Variants in RUFY1 observed in about 807,000 individuals in gnomAD.
RUFY1 encodes the protein RUN and FYVE domain-containing protein 1.
RUFY1 carries 54 observed loss-of-function variants against 94.6 expected under a neutral mutation model. That is an observed-to-expected ratio of 0.57 (90% confidence interval 0.46 to 0.72). The LOEUF (loss-of-function observed/expected upper bound fraction) is 0.72. Ranked by LOEUF, RUFY1 falls within the 30% of genes least tolerant of loss-of-function variation. The pLI, the probability that RUFY1 is intolerant of heterozygous loss-of-function variation, is 0.00. For missense variants in RUFY1, 883 were observed against 883.9 expected (o/e 1.00, Z 0.01); for synonymous variants, 396 against 347.3 (o/e 1.14, Z -1.56).
chr5:179,577,320 C>T (rs1254798807), intron 6 of RUFY1, among the ~76,000 whole-genome samples, 184 bp downstream of exon 6: 1 of 151,110 alleles, frequency 6.6e-6, no homozygotes, highest in Non-Finnish European at 1.5e-5. Flanking sequence ...TACAGGTGCG[C>T]CCCACCATGC....
intron 1 of RUFY1, chr5:179,559,641 C>T: frequency 9.9e-7 from 1 of 1,006,246 alleles, no homozygotes; most frequent in Non-Finnish European, 1.2e-6. Flanking sequence ...CCAGCACGCC[C>T]TCTAAGAGCT....
chr5:179,578,374 T>C (rs1049311399), intron 6 of RUFY1, among the ~76,000 whole-genome samples: 1 of 151,864 alleles, frequency 6.6e-6, no homozygotes, highest in Admixed American at 6.6e-5. Flanking sequence ...CCATCATGCC[T>C]GGCTAATTTT....
rs763078494 is a variant in RUFY1, at chr5:179,593,427, C to T, written c.1246-51C>T. The T allele has an allele frequency of 2.6e-6, 4 of 1,563,450 alleles. No individual in the cohort carries two copies. In the Admixed American group the frequency reaches 6.8e-5, roughly 27 times the overall value. On this transcript the variant is annotated intron_variant, in intron 10 of 17. Coordinates refer to ENST00000319449, the MANE Select transcript of RUFY1 (RefSeq NM_025158.5). ...CCTGAGATTCAACCCCAGTTAAATA[C>T]ATTTCTGTGATCTATTTTAATAACA... is the stretch of plus-strand genomic sequence containing the variant.
In RUFY1 at chr5:179,609,495, G is replaced by T. The variant is rs767514975; in HGVS notation, c.2103G>T (p.Gln701His). 7 of 1,608,508 alleles carry T rather than the reference G, an allele frequency of 4.4e-6. No individual in the cohort carries two copies. Among genetic ancestry groups the T allele is most frequent in the Non-Finnish European group, 5.1e-6 (6 of 1,179,398 alleles). The change falls in exon 18 of 18, where the codon CAG becomes CAT. Residue 701 changes from glutamine to histidine, a missense_variant. Gln to His is a conservative substitution (Grantham distance 24). Transcript: ENST00000319449. ...ACAGCTGCCACACCCTGCTCCTGCA[G>T]CGCTGCTCCTCCACGGCCTCCTGAA... ...VCDSCHTLLL[Q>H]RCSSTAS
At chr5:179,598,631 T>C in intron 13 of RUFY1, 61 bp from the exon 14 acceptor site, 1 of 1,596,822 alleles carries the variant, frequency 6.3e-7, no homozygotes, top group Non-Finnish European at 8.6e-7. Context: ...GTGAATTGGG[T>C]TGTGAATCTT....
intron 10 of RUFY1, among the ~76,000 whole-genome samples, chr5:179,592,498 T>C (rs1344795625): frequency 6.6e-6 from 1 of 151,988 alleles, no homozygotes; most frequent in Non-Finnish European, 1.5e-5. Context: ...GTGATCCACC[T>C]GCCTCGGCAT....
chr5:179,590,188 C>T (rs1764939854), intron 9 of RUFY1, among the ~76,000 whole-genome samples: 2 of 151,952 alleles, frequency 1.3e-5, no homozygotes, highest in Admixed American at 6.6e-5. Flanking sequence ...CCCGTCTCTA[C>T]TAAAAATACA....
intron 16 of RUFY1, 41 bp from the exon 17 acceptor site, chr5:179,607,541 T>G (rs750028657): frequency 1.3e-6 from 2 of 1,582,240 alleles, no homozygotes; most frequent in East Asian, 2.2e-5. Context: ...CATCAGGGGC[T>G]TAGACAGAAA....
At chr5:179,600,232 G>A (rs115390848) in intron 14 of RUFY1, 6,512 of 152,366 alleles carry the variant, frequency 0.043, 201 homozygotes, top group Non-Finnish European at 0.064. Flanking sequence ...ACGGCACAGG[G>A]TGTGCAGAGA....
In RUFY1 at chr5:179,585,782, C is replaced by T. The variant is rs1764562612; in HGVS notation, c.957-14C>T. On this transcript the variant is annotated splice_polypyrimidine_tract_variant and intron_variant, in intron 7 of 17. Transcript: ENST00000319449. The stretch of plus-strand genomic sequence containing the variant: ...TATAAGTTTATGTTTACTTAATATT[C>T]TTATTTTCTACAGCTGCACAGTTGG... 1 of 1,593,894 alleles carries T rather than the reference C, an allele frequency of 6.3e-7. No individual in the cohort carries two copies. Among genetic ancestry groups the T allele is most frequent in the Admixed American group, 1.7e-5 (1 of 59,732 alleles).
intron 8 of RUFY1, among the ~76,000 whole-genome samples, chr5:179,587,826 G>A (rs1764736401): frequency 6.6e-6 from 1 of 151,900 alleles, no homozygotes; most frequent in African/African-American, 2.4e-5. Context: ...CAGCCCAGGA[G>A]TTTGAGACCA....
At chr5:179,602,034 C>A in intron 15 of RUFY1, 48 bp downstream of exon 15, 1 of 1,441,912 alleles carries the variant, frequency 6.9e-7, no homozygotes, top group Non-Finnish European at 9.8e-7. Context: ...CACCAGGCTA[C>A]CCACCACATC....
intron 7 of RUFY1, among the ~76,000 whole-genome samples, chr5:179,584,117 T>C (rs1392277508): frequency 1.3e-5 from 2 of 152,166 alleles, no homozygotes; most frequent in African/African-American, 4.8e-5. Context: ...GAATTGACAA[T>C]TGTATACTCT....
chr5:179,560,603 G>A (rs915931233), intron 2 of RUFY1, among the ~76,000 whole-genome samples: 10 of 150,968 alleles, frequency 6.6e-5, no homozygotes, highest in African/African-American at 2.2e-4. Context: ...GCGGGCGCCT[G>A]TAGTCCCAGC....
Position 179,591,697 on chromosome 5 carries a change from A to C in RUFY1, c.1201A>C (p.Ser401Arg). ...TCGGCAAGGTCTGGATGAAATGTAC[A>C]GTGATGTGTGGAAGCAGCTAAAAGA... ...QTRQGLDEMYSDVWKQLKEEK... is the reference protein window; with the variant it reads ...QTRQGLDEMYRDVWKQLKEEK... The change falls in exon 10 of 18, where the codon AGT becomes CGT. Residue 401 changes from serine (S) to arginine (R), a missense_variant. Physicochemically the swap from Ser to Arg is moderately radical, Grantham distance 110 (BLOSUM62 -1). Coordinates refer to ENST00000319449, the MANE Select transcript of RUFY1 (RefSeq NM_025158.5). 6.2e-7 allele frequency: 1 copy of C among 1,612,718 alleles called. No individual in the cohort carries two copies.
In RUFY1 at chr5:179,609,602, A is replaced by T; in HGVS notation, c.*83A>T. The T allele has an allele frequency of 7.6e-7, 1 of 1,315,868 alleles. No individual in the cohort carries two copies. The highest frequency in any genetic ancestry group is 1.0e-6 in the Non-Finnish European group (1 of 990,718). 81.5% of individuals were successfully genotyped at this position (1,315,868 alleles called of 1,614,324 possible). On this transcript the variant is annotated 3_prime_UTR_variant, in exon 18 of 18. Transcript: ENST00000319449. The stretch of plus-strand genomic sequence containing the variant: ...GGGCTTGGGAAATGTGTTCTTTCCC[A>T]AGAGTATCAAAGGAAAGAATCAAAT...
Position 179,568,844 on chromosome 5 carries a change from G to A in RUFY1, c.705-458G>A, listed in dbSNP as rs74364578. Among the ~76,000 whole-genome samples, 462 of 152,310 alleles carry A rather than the reference G, an allele frequency of 3.0e-3. 17 individuals carry two copies. The East Asian group carries it at 0.074, about 24-fold the overall frequency. ...TGGACCACCCCCTGCAAATGGCCGC[G>A]ATAACTGGGCAATAAAGGAAGTAAA... On this transcript the variant is annotated intron_variant, in intron 4 of 17. Coordinates refer to ENST00000319449, the MANE Select transcript of RUFY1 (RefSeq NM_025158.5).
At chr5:179,564,569 G>C (rs1393073109) in intron 3 of RUFY1, among the ~76,000 whole-genome samples, 1 of 151,864 alleles carries the variant, frequency 6.6e-6, no homozygotes, top group Non-Finnish European at 1.5e-5. Context: ...GGGACTATAG[G>C]CTGAGGCAGG....
At chr5:179,569,531 C>G in intron 5 of RUFY1, 106 bp downstream of exon 5, 1 of 1,160,176 alleles carries the variant, frequency 8.6e-7, no homozygotes, top group Non-Finnish European at 1.3e-6. Flanking sequence ...TGGCAAAGAG[C>G]CCACTGGTAG....
Sources: gnomAD v4.1 joint callset for allele counts (sites outside exome capture counted in the v4.1 genomes callset) on GRCh38, gnomAD v4.1.1 for gene constraint, MANE v1.5 for transcripts, NCBI Gene and HGNC (gene_info 2026-07-23, HGNC 2026-07-21) for gene names.